Variants in DNAH9 observed in about 807,000 individuals in gnomAD.
The protein encoded by DNAH9 is dynein axonemal heavy chain 9.
DNAH9 carries 345 observed loss-of-function variants against 471.6 expected under a neutral mutation model. That is an observed-to-expected ratio of 0.73 (90% CI 0.67 to 0.80). The LOEUF (loss-of-function observed/expected upper bound fraction) is 0.80. DNAH9 is among the 30% of genes least tolerant of loss of function. DNAH9 has a pLI of 0.00. For missense variants in DNAH9, 5,407 were observed against 5,609.2 expected, an observed-to-expected ratio of 0.96 and a Z score of 1.15; for synonymous variants, 2,093 against 2,123.6, an observed-to-expected ratio of 0.99 and a Z score of 0.40.
rs1555528615 is a variant in DNAH9, at chr17:11,947,772, A to AATTTTTTTTTTTTTTTTTTTTTTT, written c.12843+5287_12843+5288insATTTTTTTTTTTTTTTTTTTTTTT. 8.3e-5 allele frequency among the ~76,000 whole-genome samples: 9 copies of AATTTTTTTTTTTTTTTTTTTTTTT among 108,344 alleles called. 2 individuals are homozygous for AATTTTTTTTTTTTTTTTTTTTTTT. Among genetic ancestry groups the AATTTTTTTTTTTTTTTTTTTTTTT allele is most frequent in the Non-Finnish European group, 7.1e-5 (4 of 56,146 alleles). 71.1% of individuals were successfully genotyped at this position (108,344 alleles called of 152,430 possible). On this transcript the variant is annotated intron_variant, in intron 67 of 68. Transcript: ENST00000262442. Reference sequence around the variant, plus strand: ...CAGAATCTGGGAGGGGCTGGGAACTATTTTTTTTTTTTTTTTTTTTTTTTT... The same window carrying AATTTTTTTTTTTTTTTTTTTTTTT: ...CAGAATCTGGGAGGGGCTGGGAACTAATTTTTTTTTTTTTTTTTTTTTTTTTTTTTTTTTTTTTTTTTTTTTTTT...
chr17:11,889,344 A>G (rs1972978897), intron 57 of DNAH9, among the ~76,000 whole-genome samples: 1 of 152,234 alleles, frequency 6.6e-6, no homozygotes, highest in Non-Finnish European at 1.5e-5. Flanking sequence ...GGGCTTTTCA[A>G]GTACTTTAAT....
intron 37 of DNAH9, 84 bp from the exon 38 acceptor site, chr17:11,769,038 T>C: frequency 7.0e-6 from 10 of 1,424,432 alleles, no homozygotes; most frequent in Non-Finnish European, 9.9e-6. Context: ...GAATCCCCTG[T>C]TCTGAAATGC....
intron 50 of DNAH9, among the ~76,000 whole-genome samples, chr17:11,856,032 C>A (rs777635471): frequency 3.2e-4 from 48 of 152,130 alleles, no homozygotes; most frequent in Non-Finnish European, 5.9e-4. Context: ...GGAGCTGCCC[C>A]CCTGCTGTGT....
chr17:11,858,010 C>T (rs542144766), intron 50 of DNAH9, among the ~76,000 whole-genome samples: 9 of 152,244 alleles, frequency 5.9e-5, no homozygotes, highest in African/African-American at 2.2e-4. Context: ...TCAGGTATTT[C>T]TTTATAGCAA....
At chr17:11,968,961 AGCCCGACATCTG>A (rs1398273877) in intron 68 of DNAH9, among the ~76,000 whole-genome samples, 3 of 152,252 alleles carry the variant, frequency 2.0e-5, no homozygotes, top group African/African-American at 7.2e-5. Context: ...CCCAGCACCT[AGCCCGACATCTG>A]GCAAATATAC....
At chr17:11,711,621 G>A (rs1472437340) in intron 26 of DNAH9, among the ~76,000 whole-genome samples, 1 of 151,172 alleles carries the variant, frequency 6.6e-6, no homozygotes, top group Non-Finnish European at 1.5e-5. Context: ...CTTTTTTTTA[G>A]CACTTCTGTT....
At chr17:11,762,770 G>GTTTTTTTTGTT (rs1555584658) in intron 35 of DNAH9, among the ~76,000 whole-genome samples, 33 of 90,790 alleles carry the variant, frequency 3.6e-4, no homozygotes, top group African/African-American at 1.3e-3. Flanking sequence ...TTTTTTTTTT[G>GTTTTTTTTGTT]TTTTTTTTTT....
chr17:11,781,679 A>G (rs1968670589), intron 39 of DNAH9, among the ~76,000 whole-genome samples: 1 of 152,022 alleles, frequency 6.6e-6, no homozygotes, highest in African/African-American at 2.4e-5. Context: ...TGAAAATACA[A>G]AAATTAGCCA....
chr17:11,734,231 A>G (rs2075311138), intron 28 of DNAH9, among the ~76,000 whole-genome samples: 1 of 152,158 alleles, frequency 6.6e-6, no homozygotes, highest in African/African-American at 2.4e-5. Context: ...TCTTCATGTT[A>G]ACACACCCTC....
At chr17:11,731,820 T>A (rs548848288) in intron 28 of DNAH9, among the ~76,000 whole-genome samples, 9 of 152,152 alleles carry the variant, frequency 5.9e-5, no homozygotes, top group Non-Finnish European at 1.3e-4. Flanking sequence ...TTGGGTTGGT[T>A]CCAAGTCTTC....
chr17:11,631,084 C>G lies in DNAH9; in HGVS notation c.1518+1500C>G, dbSNP rs140559648. Among the ~76,000 whole-genome samples the G allele has an allele frequency of 3.3e-5, 5 of 151,998 alleles. No individual in the cohort carries two copies. The South Asian group carries it at 1.0e-3, about 32-fold the overall frequency. On this transcript the variant is annotated intron_variant, in intron 7 of 68. Coordinates refer to ENST00000262442, the MANE Select transcript of DNAH9 (RefSeq NM_001372.4). ...TTTCTGATCTGAACCTGGTTCCTAA[C>G]AGAACACATAGGATAAGGAAAGGAC... is the stretch of plus-strand genomic sequence containing the variant.
chr17:11,942,500 G>C lies in DNAH9; in HGVS notation c.12843+15G>C. The C allele has an allele frequency of 6.2e-7, 1 of 1,609,488 alleles. No individual in the cohort carries two copies. Among genetic ancestry groups the C allele is most frequent in the South Asian group, 1.1e-5 (1 of 90,586 alleles). On this transcript the variant is annotated intron_variant, in intron 67 of 68. Transcript: ENST00000262442. The stretch of plus-strand genomic sequence containing the variant: ...TCGGCTTAAAGGTGAGCGCGGTCTT[G>C]TAAGGCATGGAGGGGACATTGCTAG...
In DNAH9 at chr17:11,607,431, G is replaced by A. The variant is rs961715530; in HGVS notation, c.418-698G>A. 4.6e-5 allele frequency among the ~76,000 whole-genome samples: 7 copies of A among 152,200 alleles called. 1 individual carries two copies. The highest frequency in any genetic ancestry group is 8.8e-5 in the Non-Finnish European group (6 of 68,034). On this transcript the variant is annotated intron_variant, in intron 1 of 68. Coordinates refer to ENST00000262442, the MANE Select transcript of DNAH9 (RefSeq NM_001372.4). ...TTTGTATTAATAGTATCAAGAAGGT[G>A]TAGTGGTCCCTGGATCTCACTGGGG...
chr17:11,943,594 G>A (rs550152918), intron 67 of DNAH9, among the ~76,000 whole-genome samples: 174 of 152,180 alleles, frequency 1.1e-3, no homozygotes, highest in Non-Finnish European at 2.0e-3. Context: ...GGAGAATAGC[G>A]TGAACCTGGG....
At chr17:11,812,012 AAAAAAAAAAAAAAAATATATATATAT>A (rs1969930868) in intron 45 of DNAH9, among the ~76,000 whole-genome samples, 1 of 52,264 alleles carries the variant, frequency 1.9e-5, no homozygotes. Flanking sequence ...AAAAAAAAAA[AAAAAAAAAAAAAAAATATATATATAT>A]ATATATATAT....
chr17:11,938,717 G>GC (rs1481234218), intron 66 of DNAH9, among the ~76,000 whole-genome samples: 1 of 152,052 alleles, frequency 6.6e-6, no homozygotes, highest in East Asian at 1.9e-4. Flanking sequence ...TTCCACCTCA[G>GC]CCTCCTGAGT....
Position 11,962,138 on chromosome 17 carries a change from A to G in DNAH9, c.13115A>G (p.Asp4372Gly). ...GCTCGCAAGAATGAGTGGCCACTGGACCAGATGGCCCTGCAATGTGACATG... is the reference window on the plus strand; with the variant it reads ...GCTCGCAAGAATGAGTGGCCACTGGGCCAGATGGCCCTGCAATGTGACATG... ...STARKNEWPL[D>G]QMALQCDMTK... is the part of the protein sequence containing the mutation. The change falls in exon 68 of 69, where the codon GAC becomes GGC. Residue 4372 changes from aspartate (D) to glycine (G), a missense_variant. Around this residue, in one of 3 missense-constraint regions of DNAH9, gnomAD observed 4,636 missense variants for 4,900.3 expected, o/e 0.95. Transcript: ENST00000262442. The surrounding 1 kb of genome is among the most constrained non-coding windows in gnomAD (Gnocchi z 4.1). The G allele has an allele frequency of 6.2e-7, 1 of 1,614,120 alleles. No homozygotes were observed. Among genetic ancestry groups the G allele is most frequent in the South Asian group, 1.1e-5 (1 of 91,084 alleles).
intron 49 of DNAH9, among the ~76,000 whole-genome samples, chr17:11,837,423 T>G (rs1209272482): frequency 1.3e-5 from 2 of 152,184 alleles, no homozygotes; most frequent in East Asian, 3.9e-4. Context: ...AAACAGGAAT[T>G]AACAGGTTCT....
intron 36 of DNAH9, among the ~76,000 whole-genome samples, chr17:11,765,915 G>A (rs949334929): frequency 6.6e-5 from 10 of 152,178 alleles, no homozygotes; most frequent in African/African-American, 1.7e-4. Flanking sequence ...TTGGTGGTGC[G>A]CAGGCAGTGG....
Sources: allele counts gnomAD v4.1 joint callset (sites outside exome capture counted in the v4.1 genomes callset), GRCh38; gene constraint gnomAD v4.1.1; regional missense constraint gnomAD v4.1.1; non-coding constraint Gnocchi (gnomAD v3.1); transcripts MANE v1.5; gene names NCBI Gene and HGNC (gene_info 2026-07-23, HGNC 2026-07-21).